The following NDFIP2 variants were observed in gnomAD, a reference collection of about 807,000 sequenced individuals.
The protein encoded by NDFIP2 is Nedd4 family interacting protein 2, also known as NEDD4 family-interacting protein 2.
Under a neutral mutation model 36.0 loss-of-function variants are expected in NDFIP2, and 19 were observed. The ratio of observed to expected loss-of-function variants is 0.53; its 90% CI spans 0.37 to 0.77. NDFIP2 has a LOEUF of 0.77. Among genes scored for constraint, NDFIP2 ranks in the 30% least tolerant of loss-of-function variants. The pLI, the probability that NDFIP2 is intolerant of heterozygous loss-of-function variation, is 0.00. For missense variants in NDFIP2, 446 were observed against 435.8 expected (o/e 1.02, Z -0.21); for synonymous variants, 181 against 167.7 (o/e 1.08, Z -0.61).
At chr13:79,507,736 T>A (rs770206969) in intron 1 of NDFIP2, among the ~76,000 whole-genome samples, 1 of 151,988 alleles carries the variant, frequency 6.6e-6, no homozygotes, top group Non-Finnish European at 1.5e-5. Context: ...ATTAAAACTA[T>A]GAAACACTTC....
At chr13:79,502,143 G>A (rs1594843964) in intron 1 of NDFIP2, among the ~76,000 whole-genome samples, 3 of 152,248 alleles carry the variant, frequency 2.0e-5, no homozygotes, top group African/African-American at 4.8e-5. Flanking sequence ...AGAAAAAGAG[G>A]CGTAAAGAGA....
In NDFIP2 at chr13:79,543,608, A is replaced by C; in HGVS notation, c.766A>C (p.Asn256His). The C allele has an allele frequency of 6.2e-7, 1 of 1,614,010 alleles. No individual in the cohort carries two copies. The change falls in exon 5 of 8, where the codon AAT becomes CAT. Residue 256 changes from asparagine (N) to histidine (H), a missense_variant. By Grantham distance (68) the Asn-to-His change is moderately conservative (BLOSUM62 1). Transcript: ENST00000218652. ...LGFCLSFCIT[N>H]TIAGRYGAIC... ...ATTTTGTTTATCCTTCTGTATCACCAATACCATAGCTGGAAGGTATGGTGC... is the reference window on the plus strand; with the variant it reads ...ATTTTGTTTATCCTTCTGTATCACCCATACCATAGCTGGAAGGTATGGTGC...
intron 1 of NDFIP2, among the ~76,000 whole-genome samples, chr13:79,502,446 G>A (rs578042766): frequency 1.3e-5 from 2 of 152,242 alleles, no homozygotes; most frequent in Admixed American, 1.3e-4. Context: ...TCCAGTCCCT[G>A]GGTCAGAGAC....
At chr13:79,520,614 T>C (rs1874531907) in intron 1 of NDFIP2, among the ~76,000 whole-genome samples, 196 bp from the exon 2 acceptor site, 1 of 152,218 alleles carries the variant, frequency 6.6e-6, no homozygotes, top group African/African-American at 2.4e-5. Context: ...ATTCTGAACT[T>C]CTTAATAACT....
chr13:79,505,966 G>A (rs368516165), intron 1 of NDFIP2, among the ~76,000 whole-genome samples: 2 of 152,248 alleles, frequency 1.3e-5, no homozygotes, highest in Admixed American at 1.3e-4. Context: ...TTGTAAAGAC[G>A]AAAATGATTA....
intron 2 of NDFIP2, among the ~76,000 whole-genome samples, chr13:79,530,377 G>T (rs555999948): frequency 6.6e-6 from 1 of 152,142 alleles, no homozygotes; most frequent in African/African-American, 2.4e-5. Context: ...TCAGCTTCCC[G>T]AGTAGCTGGG....
At chr13:79,515,478 G>A (rs1272709489) in intron 1 of NDFIP2, among the ~76,000 whole-genome samples, 1 of 152,130 alleles carries the variant, frequency 6.6e-6, no homozygotes, top group African/African-American at 2.4e-5. Flanking sequence ...TTTCCTAATG[G>A]TTCATATTTT....
At position 79,551,097 on chromosome 13, in the gene NDFIP2, A is replaced by AC; in HGVS notation, c.989dup (p.Arg331LysfsTer21). The AC allele has an allele frequency of 6.3e-7, 1 of 1,599,416 alleles. No homozygotes were observed. The highest frequency in any genetic ancestry group is 8.5e-7 in the Non-Finnish European group (1 of 1,171,292). ...TGAAAGTATGGCAGCTGCTCATAGA[A>AC]CAAGGTATTTCTTCTTATTGTAGAG... On this transcript the variant is annotated frameshift_variant, in exon 7 of 8. Coordinates refer to ENST00000218652, the MANE Select transcript of NDFIP2 (RefSeq NM_019080.3). LOFTEE classifies it high-confidence loss of function.
chr13:79,538,597 A>AT (rs1162216679), intron 3 of NDFIP2, among the ~76,000 whole-genome samples: 1 of 152,016 alleles, frequency 6.6e-6, no homozygotes, highest in Non-Finnish European at 1.5e-5. Context: ...CCAAGATAAT[A>AT]TTTTTTTGAG....
rs149270419 is a variant in NDFIP2, at chr13:79,486,767, A to G, written c.321+5243A>G. ...GTACTGCATAATGTCTTTTCATTCA[A>G]TGAGGGACCTTATATACTGGGGTCC... On this transcript the variant is annotated intron_variant, in intron 1 of 7. Coordinates refer to ENST00000218652, the MANE Select transcript of NDFIP2 (RefSeq NM_019080.3). Among the ~76,000 whole-genome samples, 1,282 of 152,316 alleles carry G rather than the reference A, an allele frequency of 8.4e-3. 10 individuals are homozygous for G. Among genetic ancestry groups the G allele is most frequent in the Non-Finnish European group, 0.012 (849 of 67,990 alleles).
intron 1 of NDFIP2, 27 bp downstream of exon 1, chr13:79,481,551 C>A: frequency 6.5e-7 from 1 of 1,527,944 alleles, no homozygotes. Context: ...CTGTGCCTCC[C>A]GGGACTGCCT....
At chr13:79,517,196 T>C (rs1229510607) in intron 1 of NDFIP2, among the ~76,000 whole-genome samples, 1 of 152,182 alleles carries the variant, frequency 6.6e-6, no homozygotes, top group Non-Finnish European at 1.5e-5. Context: ...TTTCATGTGC[T>C]ATATTGCCCA....
chr13:79,502,187 G>A (rs908199044), intron 1 of NDFIP2, among the ~76,000 whole-genome samples: 1 of 152,150 alleles, frequency 6.6e-6, no homozygotes, highest in Non-Finnish European at 1.5e-5. Context: ...CTCATAGGTG[G>A]TGGATCTATA....
chr13:79,539,827 G>A (rs781012324), intron 4 of NDFIP2, 52 bp downstream of exon 4: 221 of 1,413,558 alleles, frequency 1.6e-4, no homozygotes, highest in Non-Finnish European at 2.1e-4. Flanking sequence ...TTGGCTGTAT[G>A]TGTATTAAAG....
intron 6 of NDFIP2, among the ~76,000 whole-genome samples, chr13:79,548,972 ATAAT>A (rs1392956020): frequency 2.0e-5 from 3 of 151,938 alleles, no homozygotes; most frequent in Non-Finnish European, 4.4e-5. Flanking sequence ...TCAATGTGAG[ATAAT>A]TAAGTTAATC....
intron 3 of NDFIP2, among the ~76,000 whole-genome samples, chr13:79,534,339 T>G (rs1875138811): frequency 6.6e-6 from 1 of 150,618 alleles, no homozygotes; most frequent in Non-Finnish European, 1.5e-5. Flanking sequence ...TTCAAATTAT[T>G]TTTGTCAGCT....
At position 79,505,794 on chromosome 13, in the gene NDFIP2, GA is replaced by G. The variant is rs1046261094; in HGVS notation, c.322-15006del. 3.2e-4 allele frequency among the ~76,000 whole-genome samples: 47 copies of G among 146,884 alleles called. 1 individual carries two copies. In the East Asian group the frequency reaches 4.6e-3, roughly 14 times the overall value. On this transcript the variant is annotated intron_variant, in intron 1 of 7. Transcript: ENST00000218652. ...AAAATCTTGTAACAAGTGGGAAAGA[GA>G]AAAAAAAAAGCCCTTATGAATCATT...
At chr13:79,491,031 C>G (rs1873205226) in intron 1 of NDFIP2, among the ~76,000 whole-genome samples, 1 of 152,204 alleles carries the variant, frequency 6.6e-6, no homozygotes, top group African/African-American at 2.4e-5. Context: ...TCACAGTACT[C>G]CTTATCGCTG....
chr13:79,547,066 T>C (rs1389628210), intron 5 of NDFIP2, among the ~76,000 whole-genome samples: 3 of 151,908 alleles, frequency 2.0e-5, no homozygotes, highest in Non-Finnish European at 4.4e-5. Context: ...TACTATAAAA[T>C]TTAAAATATG....
Sources: gnomAD v4.1 joint callset for allele counts (sites outside exome capture counted in the v4.1 genomes callset) on GRCh38, gnomAD v4.1.1 for gene constraint, MANE v1.5 for transcripts, NCBI Gene and HGNC (gene_info 2026-07-23, HGNC 2026-07-21) for gene names.